The following PROS1 variants were observed in gnomAD, a reference collection of about 807,000 sequenced individuals.
The protein encoded by PROS1 is protein S.
A neutral mutation model predicts 75.9 loss-of-function variants in PROS1; 29 were observed. The ratio of observed to expected loss-of-function variants is 0.38; its 90% CI spans 0.28 to 0.52. PROS1 has a LOEUF of 0.52. Among genes scored for constraint, PROS1 ranks in the 20% least tolerant of loss-of-function variants. The probability of loss-of-function intolerance (pLI) is 0.83; values close to 1 mark genes in which losing one functional copy is unlikely to be tolerated. For synonymous variants in PROS1, 245 were observed against 280.6 expected (o/e 0.87, Z 1.27); for missense variants, 680 against 810.3 (o/e 0.84, Z 1.95).
At chr3:93,878,279 T>TAAAAA (rs1553808501) in intron 13 of PROS1, among the ~76,000 whole-genome samples, 2 of 152,132 alleles carry the variant, frequency 1.3e-5, no homozygotes, top group African/African-American at 4.8e-5. Flanking sequence ...GGCAGGAGAT[T>TAAAAA]AAAACAAAAA....
At chr3:93,936,396 C>A (rs1431663480) in intron 1 of PROS1, among the ~76,000 whole-genome samples, 1 of 151,700 alleles carries the variant, frequency 6.6e-6, no homozygotes, top group Non-Finnish European at 1.5e-5. Context: ...ACATGTATCC[C>A]CTGAATCTAA....
At chr3:93,877,645 C>T (rs1196890664) in intron 13 of PROS1, among the ~76,000 whole-genome samples, 3 of 152,126 alleles carry the variant, frequency 2.0e-5, no homozygotes, top group South Asian at 2.1e-4. Context: ...ACAAGCAATC[C>T]TACAGACTTG....
rs1203108112 is a variant in PROS1 at position 93,927,678 on chromosome 3, A to T, written c.77-271T>A. Among the ~76,000 whole-genome samples, 2 of 151,484 alleles carry T rather than the reference A, an allele frequency of 1.3e-5. 1 individual carries two copies. Among genetic ancestry groups the T allele is most frequent in the Admixed American group, 1.3e-4 (2 of 15,166 alleles). ...AGGTTAAACACACCAGATAATATTC[A>T]ATACTTCCTTTATTATGACTACATC... On this transcript the variant is annotated intron_variant, in intron 1 of 14. Coordinates refer to ENST00000394236, the MANE Select transcript of PROS1 (RefSeq NM_000313.4).
intron 14 of PROS1, among the ~76,000 whole-genome samples, chr3:93,875,644 AT>A (rs1708172053): frequency 2.0e-5 from 3 of 150,188 alleles, no homozygotes; most frequent in East Asian, 1.9e-4. Context: ...CTATCTATCT[AT>A]CTATCTATCT....
At chr3:93,910,313 C>A (rs1708741474) in intron 4 of PROS1, among the ~76,000 whole-genome samples, 1 of 152,142 alleles carries the variant, frequency 6.6e-6, no homozygotes, top group Admixed American at 6.5e-5. Context: ...AGTCACACTA[C>A]ATGATTATGC....
intron 1 of PROS1, among the ~76,000 whole-genome samples, chr3:93,948,979 T>C (rs1709448186): frequency 6.6e-6 from 1 of 152,128 alleles, no homozygotes. Flanking sequence ...GCCAGAGAAA[T>C]AAAAACATTG....
intron 2 of PROS1, among the ~76,000 whole-genome samples, chr3:93,925,890 T>G (rs1709009792): frequency 6.6e-6 from 1 of 151,928 alleles, no homozygotes; most frequent in African/African-American, 2.4e-5. Context: ...TTTCTGTCAT[T>G]TTTTTCTCTT....
intron 6 of PROS1, among the ~76,000 whole-genome samples, chr3:93,904,084 C>T (rs1402473348): frequency 1.3e-5 from 2 of 150,272 alleles, no homozygotes; most frequent in East Asian, 2.0e-4. Context: ...TTTGTTCTTG[C>T]GATAGTTTAC....
chr3:93,969,446 A>G (rs1266811184), intron 1 of PROS1, among the ~76,000 whole-genome samples: 1 of 152,220 alleles, frequency 6.6e-6, no homozygotes, highest in African/African-American at 2.4e-5. Context: ...CCCAGCATCC[A>G]TTCTTTTGTG....
chr3:93,879,827 T>C (rs561116373), intron 12 of PROS1, among the ~76,000 whole-genome samples: 3 of 152,326 alleles, frequency 2.0e-5, no homozygotes, highest in Admixed American at 6.5e-5. Context: ...GAAATCAGAA[T>C]AGGAACCCTT....
At chr3:93,949,578 T>A (rs1709459853) in intron 1 of PROS1, among the ~76,000 whole-genome samples, 2 of 151,920 alleles carry the variant, frequency 1.3e-5, no homozygotes, top group Admixed American at 6.6e-5. Context: ...ATACTTTTAA[T>A]ATATACAGAA....
chr3:93,969,682 G>A (rs2107272807), intron 1 of PROS1, among the ~76,000 whole-genome samples: 1 of 152,222 alleles, frequency 6.6e-6, no homozygotes, highest in East Asian at 1.9e-4. Flanking sequence ...CCTTCTGTAG[G>A]CCTGGCTTCT....
At position 93,874,185 on chromosome 3, in the gene PROS1, A is replaced by T. The variant is rs1300510074; in HGVS notation, c.*60T>A. On this transcript the variant is annotated 3_prime_UTR_variant, in exon 15 of 15. Transcript: ENST00000394236. ...TTGTAAATAAAACCCTTCAGCTGTT[A>T]TTGAAACATAAGTATAATTACACAC... is the stretch of plus-strand genomic sequence containing the variant. The T allele has an allele frequency of 6.3e-7, 1 of 1,585,966 alleles. No homozygotes were observed. The highest frequency in any genetic ancestry group is 1.3e-5 in the African/African-American group (1 of 74,352).
Position 93,874,221 on chromosome 3 carries a change from T to C in PROS1, c.*24A>G. 6.2e-7 allele frequency: 1 copy of C among 1,611,950 alleles called. No individual in the cohort carries two copies. The highest frequency in any genetic ancestry group is 8.5e-7 in the Non-Finnish European group (1 of 1,178,250). On this transcript the variant is annotated 3_prime_UTR_variant, in exon 15 of 15. Transcript: ENST00000394236. ...AGTATAATTACACACAAGGAAAAGGTATTATAAGCAGAGAAAAGATGCCTT... is the reference window on the plus strand; with the variant it reads ...AGTATAATTACACACAAGGAAAAGGCATTATAAGCAGAGAAAAGATGCCTT...
At chr3:93,920,266 C>A (rs1180463424) in intron 3 of PROS1, among the ~76,000 whole-genome samples, 1 of 151,976 alleles carries the variant, frequency 6.6e-6, no homozygotes, top group Non-Finnish European at 1.5e-5. Flanking sequence ...AAAATAAAAT[C>A]AATTTGAGGA....
chr3:93,911,854 G>C (rs554323258), intron 3 of PROS1, among the ~76,000 whole-genome samples: 2 of 152,290 alleles, frequency 1.3e-5, no homozygotes, highest in Admixed American at 1.3e-4. Context: ...CAGATTCAAA[G>C]GGTAGGGTGT....
At chr3:93,960,983 T>C (rs1342893232) in intron 1 of PROS1, among the ~76,000 whole-genome samples, 1 of 151,222 alleles carries the variant, frequency 6.6e-6, no homozygotes, top group African/African-American at 2.4e-5. Flanking sequence ...AGACTAGCTA[T>C]TGAGAAAAAA....
chr3:93,892,493 G>A lies in PROS1; in HGVS notation c.1155+440C>T, dbSNP rs528830310. On this transcript the variant is annotated intron_variant, in intron 10 of 14. Coordinates refer to ENST00000394236, the MANE Select transcript of PROS1 (RefSeq NM_000313.4). Reference sequence around the variant, plus strand: ...CACAAAATTAGCCGGGCATGGTGGCGCATGCCTGTAATCCCAGCTACTCGA... The same window carrying A: ...CACAAAATTAGCCGGGCATGGTGGCACATGCCTGTAATCCCAGCTACTCGA... 1.3e-3 allele frequency among the ~76,000 whole-genome samples: 198 copies of A among 151,614 alleles called. 1 individual carries two copies. Among genetic ancestry groups the A allele is most frequent in the African/African-American group, 3.9e-4 (16 of 41,310 alleles).
Position 93,905,915 on chromosome 3 carries a change from T to C in PROS1, c.470A>G (p.Asp157Gly), listed in dbSNP as rs751090951. Residue 157 changes from aspartate to glycine, a missense_variant and splice_region_variant, in exon 6 of 15, where the codon GAC becomes GGC. Transcript: ENST00000394236. ...PGWQGEKCEF[D>G]INECKDPSNI... Reference sequence around the variant, plus strand: ...TGAGGGATCTTTGCATTCATTTATGTCTAAAACAGGAAAAAAATAAATTAT... The same window carrying C: ...TGAGGGATCTTTGCATTCATTTATGCCTAAAACAGGAAAAAAATAAATTAT... The C allele has an allele frequency of 7.4e-6, 12 of 1,612,778 alleles. No homozygotes were observed.
Sources: gnomAD v4.1 joint callset for allele counts (sites outside exome capture counted in the v4.1 genomes callset) on GRCh38, gnomAD v4.1.1 for gene constraint, MANE v1.5 for transcripts, NCBI Gene and HGNC (gene_info 2026-07-23, HGNC 2026-07-21) for gene names.